SYNPO2: variants seen among roughly 807,000 people sequenced by gnomAD.
The protein encoded by SYNPO2 is synaptopodin 2.
A neutral mutation model predicts 85.0 loss-of-function variants in SYNPO2; 56 were observed. The ratio of observed to expected loss-of-function variants is 0.66; its 90% CI spans 0.53 to 0.82. SYNPO2 has a LOEUF of 0.82. SYNPO2 is among the 40% of genes least tolerant of loss of function. SYNPO2 has a pLI of 0.00. For missense variants in SYNPO2, 1,575 were observed against 1,534.2 expected (o/e 1.03, Z -0.44); for synonymous variants, 602 against 591.1 (o/e 1.02, Z -0.27).
At chr4:118,958,707 C>A (rs2149146298) in intron 1 of SYNPO2, among the ~76,000 whole-genome samples, 1 of 152,286 alleles carries the variant, frequency 6.6e-6, no homozygotes. Context: ...CTCCTATAGT[C>A]TTCAGCCATC....
At chr4:119,033,159 T>G (rs567718949) in intron 4 of SYNPO2, 2 of 985,434 alleles carry the variant, frequency 2.0e-6, no homozygotes, top group African/African-American at 1.7e-5. Flanking sequence ...GGGCTGATTG[T>G]GAAGCACGAG....
At chr4:118,857,603 A>G (rs1731528618) in intron 1 of SYNPO2, among the ~76,000 whole-genome samples, 1 of 152,254 alleles carries the variant, frequency 6.6e-6, no homozygotes, top group Non-Finnish European at 1.5e-5. Flanking sequence ...ACCGTAAGTA[A>G]TCTGTGAAAT....
At position 119,027,188 on chromosome 4, in the gene SYNPO2, A is replaced by G. The variant is rs1188055305; in HGVS notation, c.819A>G (p.Glu273=). The G allele has an allele frequency of 6.2e-7, 1 of 1,614,044 alleles. No individual in the cohort carries two copies. Among genetic ancestry groups the G allele is most frequent in the African/African-American group, 1.3e-5 (1 of 74,932 alleles). The change falls in exon 3 of 5, where the codon GAA becomes GAG. Residue 273 remains glutamate, a synonymous_variant. Transcript: ENST00000307142. ...GCAGAGAGTTGAGAGTGATCCAGGAAAGTGAAGCAGGAGATGCGGGACTGC... is the reference window on the plus strand; with the variant it reads ...GCAGAGAGTTGAGAGTGATCCAGGAGAGTGAAGCAGGAGATGCGGGACTGC... The part of the protein sequence containing the change: ...SSGRELRVIQ[E]SEAGDAGLPR...
chr4:118,932,096 C>G (rs752423394), intron 1 of SYNPO2, among the ~76,000 whole-genome samples: 1 of 152,204 alleles, frequency 6.6e-6, no homozygotes, highest in Non-Finnish European at 1.5e-5. Flanking sequence ...TACTTGTCAT[C>G]TTTTCTCTCA....
rs1321941544 is a variant in SYNPO2, at chr4:118,876,662, CCTTTCTCTTTCTTT to C, written c.12+25729_12+25742del. On this transcript the variant is annotated intron_variant, in intron 1 of 4. Transcript: ENST00000610556. ...TCCTTCCTTTCTTCCTTCCTTCCTT[CCTTTCTCTTTCTTT>C]CTTTCTTTCTTTCTTTCTTTCTTTC... Among the ~76,000 whole-genome samples the C allele has an allele frequency of 2.3e-3, 331 of 141,742 alleles. 2 individuals carry two copies. Among genetic ancestry groups the C allele is most frequent in the Middle Eastern group, 3.6e-3 (1 of 280 alleles). 93.0% of individuals were successfully genotyped at this position (141,742 alleles called of 152,430 possible). A position where few individuals can be genotyped will look rare whatever the true frequency, so the allele number is the denominator to read the frequency against.
chr4:119,045,423 C>T (rs1473402906), intron 4 of SYNPO2, among the ~76,000 whole-genome samples: 2 of 152,030 alleles, frequency 1.3e-5, no homozygotes, highest in Admixed American at 6.5e-5. Context: ...TGCTCTCTAG[C>T]CGGGGTGATA....
chr4:118,929,308 T>C (rs1253013495), intron 1 of SYNPO2, among the ~76,000 whole-genome samples: 4 of 152,174 alleles, frequency 2.6e-5, no homozygotes, highest in Admixed American at 2.6e-4. Flanking sequence ...GGCCAATTCT[T>C]TGGATCTTTT....
intron 1 of SYNPO2, among the ~76,000 whole-genome samples, chr4:118,867,611 A>G (rs1343921379): frequency 6.6e-6 from 1 of 152,122 alleles, no homozygotes; most frequent in Admixed American, 6.5e-5. Flanking sequence ...TTAAAAAATC[A>G]GTGTATTTAT....
At chr4:118,918,231 C>A (rs1354411518) in intron 1 of SYNPO2, among the ~76,000 whole-genome samples, 1 of 151,964 alleles carries the variant, frequency 6.6e-6, no homozygotes. Flanking sequence ...AAACTGAAAC[C>A]AGATGTCTTA....
intron 1 of SYNPO2, among the ~76,000 whole-genome samples, chr4:119,001,087 C>T (rs1736807660): frequency 1.3e-5 from 2 of 152,312 alleles, no homozygotes; most frequent in Admixed American, 6.5e-5. Flanking sequence ...TTTTCATACC[C>T]ACTGTTCGTT....
chr4:118,882,434 T>C (rs1318835859), intron 1 of SYNPO2, among the ~76,000 whole-genome samples: 1 of 152,256 alleles, frequency 6.6e-6, no homozygotes, highest in Admixed American at 6.5e-5. Flanking sequence ...AAACATGCGA[T>C]ATTTATTAAA....
At chr4:118,935,661 T>C (rs79655198) in intron 1 of SYNPO2, among the ~76,000 whole-genome samples, 4,873 of 152,360 alleles carry the variant, frequency 0.032, 139 homozygotes, top group East Asian at 0.14. Flanking sequence ...AAAATGTGCG[T>C]ATAACTTTTG....
At chr4:118,897,705 G>A (rs866441017) in intron 1 of SYNPO2, among the ~76,000 whole-genome samples, 13 of 152,300 alleles carry the variant, frequency 8.5e-5, no homozygotes, top group Middle Eastern at 3.4e-3. Flanking sequence ...GGCACAAAGA[G>A]GTTAAGTGAC....
chr4:118,981,042 A>G (rs564486475), intron 1 of SYNPO2, among the ~76,000 whole-genome samples: 2 of 152,296 alleles, frequency 1.3e-5, no homozygotes, highest in East Asian at 3.9e-4. Flanking sequence ...TGCTAGATAA[A>G]GCACTCTTTC....
At chr4:119,016,587 G>T (rs981546496) in intron 1 of SYNPO2, among the ~76,000 whole-genome samples, 1 of 152,018 alleles carries the variant, frequency 6.6e-6, no homozygotes. Context: ...CTGCACAAAT[G>T]TTTATAAAAA....
chr4:118,941,491 C>T (rs1419273871), intron 1 of SYNPO2, among the ~76,000 whole-genome samples: 7 of 152,176 alleles, frequency 4.6e-5, no homozygotes, highest in Non-Finnish European at 8.8e-5. Flanking sequence ...AGATAAACAC[C>T]CTAAATGAAT....
At chr4:118,932,219 A>G (rs1733956416) in intron 1 of SYNPO2, among the ~76,000 whole-genome samples, 4 of 152,178 alleles carry the variant, frequency 2.6e-5, no homozygotes, top group Admixed American at 2.6e-4. Flanking sequence ...ATGTTCAAAA[A>G]TAGATGAGAG....
At chr4:118,997,882 A>G (rs1736678813) in intron 1 of SYNPO2, among the ~76,000 whole-genome samples, 1 of 152,166 alleles carries the variant, frequency 6.6e-6, no homozygotes. Context: ...AACTTTAAAC[A>G]TTTCTGTTCT....
intron 1 of SYNPO2, among the ~76,000 whole-genome samples, chr4:118,975,569 G>A (rs1229721011): frequency 6.6e-6 from 1 of 152,194 alleles, no homozygotes; most frequent in Non-Finnish European, 1.5e-5. Flanking sequence ...CCCCCAGGAA[G>A]GAGGAGGAGG....
Sources: gnomAD v4.1 joint callset for allele counts (sites outside exome capture counted in the v4.1 genomes callset) on GRCh38, gnomAD v4.1.1 for gene constraint, MANE v1.5 for transcripts, NCBI Gene and HGNC (gene_info 2026-07-23, HGNC 2026-07-21) for gene names.